TLL2: variants seen among roughly 807,000 people sequenced by gnomAD.
TLL2 encodes the protein tolloid-like protein 2.
A neutral mutation model predicts 123.0 loss-of-function variants in TLL2; 106 were observed. That is an observed-to-expected ratio of 0.86 (90% CI 0.74 to 1.01). The LOEUF (loss-of-function observed/expected upper bound fraction) is 1.01. TLL2 is among the 50% of genes least tolerant of loss of function. TLL2 has a pLI of 0.00. For missense variants in TLL2, 1,332 were observed against 1,336.7 expected, an observed-to-expected ratio of 1.00 and a Z score of 0.06; for synonymous variants, 494 against 516.8, an observed-to-expected ratio of 0.96 and a Z score of 0.60.
At chr10:96,433,287 CAG>C (rs1456579835) in intron 3 of TLL2, among the ~76,000 whole-genome samples, 1 of 152,118 alleles carries the variant, frequency 6.6e-6, no homozygotes, top group Non-Finnish European at 1.5e-5. Context: ...ACTTTCTGCT[CAG>C]AGTCACAAGC....
intron 1 of TLL2, among the ~76,000 whole-genome samples, chr10:96,488,960 G>T (rs1339389472): frequency 2.6e-5 from 4 of 152,226 alleles, no homozygotes; most frequent in African/African-American, 9.6e-5. Flanking sequence ...CATAGCAGAG[G>T]TCCTTCCATT....
Position 96,484,752 on chromosome 10 carries a change from T to A in TLL2, c.176-4293A>T, listed in dbSNP as rs1471560449. On this transcript the variant is annotated intron_variant, in intron 1 of 20. Transcript: ENST00000357947. The stretch of plus-strand genomic sequence containing the variant: ...CCAAGCCCTGTACTCGACACATAGA[T>A]GCTTTCCCTGCAGAGATCAAATATA... Among the ~76,000 whole-genome samples the A allele has an allele frequency of 2.6e-5, 4 of 152,298 alleles. No individual in the cohort carries two copies. In the East Asian group the frequency reaches 7.7e-4, roughly 29 times the overall value.
chr10:96,495,562 T>C (rs1212784985), intron 1 of TLL2, among the ~76,000 whole-genome samples: 1 of 152,158 alleles, frequency 6.6e-6, no homozygotes. Flanking sequence ...TGGGATGGTG[T>C]TAATGGGGTC....
At chr10:96,398,583 G>A (rs1344616145) in intron 10 of TLL2, among the ~76,000 whole-genome samples, 1 of 152,184 alleles carries the variant, frequency 6.6e-6, no homozygotes, top group African/African-American at 2.4e-5. Context: ...GAAATCTGGA[G>A]CCTCCACAGA....
At chr10:96,506,189 T>C (rs563430019) in intron 1 of TLL2, among the ~76,000 whole-genome samples, 1 of 129,550 alleles carries the variant, frequency 7.7e-6, no homozygotes, top group Non-Finnish European at 1.5e-5. Context: ...GAAGTGGAGG[T>C]TGTAGCGAGC....
At chr10:96,461,665 G>A (rs930506993) in intron 2 of TLL2, among the ~76,000 whole-genome samples, 2 of 152,200 alleles carry the variant, frequency 1.3e-5, no homozygotes, top group Admixed American at 6.5e-5. Context: ...CAACCCTGAT[G>A]AAAATCCTTC....
In TLL2 at chr10:96,431,840, A is replaced by G. The variant is rs183556555; in HGVS notation, c.520+967T>C. Among the ~76,000 whole-genome samples the G allele has an allele frequency of 5.9e-5, 9 of 152,250 alleles. No individual in the cohort carries two copies. The East Asian group carries it at 1.7e-3, about 30-fold the overall frequency. On this transcript the variant is annotated intron_variant, in intron 4 of 20. Coordinates refer to ENST00000357947, the MANE Select transcript of TLL2 (RefSeq NM_012465.4). ...TTCCTGTGATGTGTCCCTTGACATA[A>G]GACTCAAATGATAAGAAGAAGACAG...
intron 1 of TLL2, among the ~76,000 whole-genome samples, chr10:96,481,872 A>C (rs1177661395): frequency 7.9e-5 from 12 of 152,220 alleles, no homozygotes; most frequent in Non-Finnish European, 1.8e-4. Context: ...TACAGAAAAA[A>C]AGAAAGCTGA....
At chr10:96,432,656 G>T (rs1846755608) in intron 4 of TLL2, 151 bp downstream of exon 4, 2 of 987,872 alleles carry the variant, frequency 2.0e-6, no homozygotes, top group Non-Finnish European at 2.9e-6. Flanking sequence ...GGTGGGCCAG[G>T]ACTTGCCGGC....
intron 7 of TLL2, among the ~76,000 whole-genome samples, chr10:96,415,739 G>GTCTCTCTCTCTCTCTCTCTC (rs142401265): frequency 7.1e-5 from 2 of 28,046 alleles, no homozygotes; most frequent in Non-Finnish European, 1.5e-4. Context: ...GTCTCTCTCT[G>GTCTCTCTCTCTCTCTCTCTC]TCTCTCTCTC....
chr10:96,432,974 T>G lies in TLL2; in HGVS notation c.365-12A>C. On this transcript the variant is annotated splice_polypyrimidine_tract_variant and intron_variant, in intron 3 of 20. Transcript: ENST00000357947. ...ATTCTCCCGGCCATCTGCAACACAGTCAGGTTAATATTGATTTTGCCCTTT... is the reference window on the plus strand; with the variant it reads ...ATTCTCCCGGCCATCTGCAACACAGGCAGGTTAATATTGATTTTGCCCTTT... 6.2e-7 allele frequency: 1 copy of G among 1,611,312 alleles called. No individual in the cohort carries two copies. Among genetic ancestry groups the G allele is most frequent in the Non-Finnish European group, 8.5e-7 (1 of 1,178,318 alleles).
At chr10:96,397,404 T>G in intron 10 of TLL2, 102 bp from the exon 11 acceptor site, 1 of 807,834 alleles carries the variant, frequency 1.2e-6, no homozygotes, top group Non-Finnish European at 2.0e-6. Flanking sequence ...TGGTTTGAAG[T>G]GAGCAATAAC....
At chr10:96,407,642 G>A (rs888100241) in intron 9 of TLL2, among the ~76,000 whole-genome samples, 1 of 152,176 alleles carries the variant, frequency 6.6e-6, no homozygotes, top group African/African-American at 2.4e-5. Flanking sequence ...ACCACACCTC[G>A]CAAGCTGCCC....
intron 8 of TLL2, among the ~76,000 whole-genome samples, chr10:96,411,554 A>G (rs146771520): frequency 6.6e-6 from 1 of 152,324 alleles, no homozygotes; most frequent in African/African-American, 2.4e-5. Context: ...TGTCCTCACA[A>G]ATGAAGGGTA....
At position 96,373,701 on chromosome 10, in the gene TLL2, T is replaced by G. The variant is rs1846107153; in HGVS notation, c.2557A>C (p.Ser853Arg). ...LAPILGRFCGSKKPDPTVASG... is the reference protein window; with the variant it reads ...LAPILGRFCGRKKPDPTVASG... Reference sequence around the variant, plus strand: ...GCCACCGTGGGGTCTGGTTTCTTGCTGCCGCAGAAACGGCCCAGAATGGGG... The same window carrying G: ...GCCACCGTGGGGTCTGGTTTCTTGCGGCCGCAGAAACGGCCCAGAATGGGG... Residue 853 changes from serine (S) to arginine (R), a missense_variant, in exon 19 of 21, where the codon AGC becomes CGC. Transcript: ENST00000357947. 1 of 1,614,260 alleles carries G rather than the reference T, an allele frequency of 6.2e-7. No homozygotes were observed. The highest frequency in any genetic ancestry group is 8.5e-7 in the Non-Finnish European group (1 of 1,180,052).
At position 96,397,235 on chromosome 10, in the gene TLL2, G is replaced by T; in HGVS notation, c.1335C>A (p.Phe445Leu). ...TGCCCAAGATGTTGCTGCTGCTGCG[G>T]AACTCCACCCAGAGCCGGCTGTCCG... ...VSTDSRLWVE[F>L]RSSSNILGKG... is the part of the protein sequence containing the mutation. Residue 445 changes from phenylalanine to leucine, a missense_variant, in exon 11 of 21, where the codon TTC becomes TTA. Transcript: ENST00000357947. The T allele has an allele frequency of 1.2e-6, 2 of 1,613,986 alleles. No individual in the cohort carries two copies. Among genetic ancestry groups the T allele is most frequent in the Non-Finnish European group, 1.7e-6 (2 of 1,179,894 alleles).
chr10:96,382,031 T>G (rs1436238629), intron 16 of TLL2, among the ~76,000 whole-genome samples: 1 of 152,178 alleles, frequency 6.6e-6, no homozygotes, highest in Non-Finnish European at 1.5e-5. Context: ...CAAGGCTCAG[T>G]GCAAGATTTG....
chr10:96,400,952 T>A (rs9633677), intron 10 of TLL2, among the ~76,000 whole-genome samples: 1 of 152,274 alleles, frequency 6.6e-6, no homozygotes, highest in East Asian at 1.9e-4. Context: ...TGTTCTCAAT[T>A]GACTTTTCCC....
chr10:96,434,409 C>T (rs1846773481), intron 3 of TLL2, among the ~76,000 whole-genome samples: 1 of 152,150 alleles, frequency 6.6e-6, no homozygotes, highest in African/African-American at 2.4e-5. Context: ...TATGAATTTG[C>T]CTATTCTGGA....
Sources: gnomAD v4.1 joint callset for allele counts (sites outside exome capture counted in the v4.1 genomes callset) on GRCh38, gnomAD v4.1.1 for gene constraint, MANE v1.5 for transcripts, NCBI Gene and HGNC (gene_info 2026-07-23, HGNC 2026-07-21) for gene names.